ABCA5: variants seen among roughly 807,000 people sequenced by gnomAD.
The protein encoded by ABCA5 is ATP binding cassette subfamily A member 5.
ABCA5 carries 163 observed loss-of-function variants against 206.0 expected under a neutral mutation model. The observed-to-expected ratio is 0.79, with a 90% confidence interval of 0.70 to 0.90. The LOEUF is 0.90. ABCA5 is among the 40% of genes least tolerant of loss of function. The pLI, the probability that ABCA5 is intolerant of heterozygous loss-of-function variation, is 0.00. For missense variants in ABCA5, 1,859 were observed against 1,912.9 expected, an observed-to-expected ratio of 0.97 and a Z score of 0.53; for synonymous variants, 609 against 613.8, an observed-to-expected ratio of 0.99 and a Z score of 0.11.
At chr17:69,271,389 C>T in intron 20 of ABCA5, 100 bp from the exon 21 acceptor site, 2 of 1,293,324 alleles carry the variant, frequency 1.5e-6, no homozygotes, top group Non-Finnish European at 2.1e-6. Flanking sequence ...ATTTTATTTT[C>T]ATTAGCGAAT....
chr17:69,294,789 T>G, intron 10 of ABCA5, 76 bp from the exon 11 acceptor site: 1 of 870,976 alleles, frequency 1.1e-6, no homozygotes, highest in Non-Finnish European at 1.8e-6. Flanking sequence ...ATGCATATTT[T>G]TATCAATGCT....
At chr17:69,273,546 C>T (rs2075297005) in intron 20 of ABCA5, among the ~76,000 whole-genome samples, 1 of 151,866 alleles carries the variant, frequency 6.6e-6, no homozygotes, top group South Asian at 2.1e-4. Context: ...ACCTCCGCCT[C>T]CCGGGTTCAA....
intron 19 of ABCA5, among the ~76,000 whole-genome samples, chr17:69,276,862 G>T (rs779616497): frequency 1.4e-4 from 21 of 152,018 alleles, no homozygotes; most frequent in Non-Finnish European, 2.1e-4. Context: ...CAGTAATGCC[G>T]ACCAGGGAAT....
chr17:69,302,691 T>G (rs771970770), intron 8 of ABCA5, 27 bp downstream of exon 8: 4 of 1,395,264 alleles, frequency 2.9e-6, no homozygotes, highest in Non-Finnish European at 3.8e-6. Context: ...AAATATTTAG[T>G]GAATGCAAGA....
intron 38 of ABCA5, 38 bp downstream of exon 38, chr17:69,248,224 T>A: frequency 8.2e-7 from 1 of 1,224,580 alleles, no homozygotes; most frequent in East Asian, 2.6e-5. Context: ...GATACTTTCT[T>A]CTATAAAATA....
Position 69,253,791 on chromosome 17 carries a change from T to A in ABCA5, c.4320+3A>T. ...GGCATTATTTGGTGTTTAATGAAAG[T>A]ACCTTTCGTTTGATTCCTGCAGGTA... On this transcript the variant is annotated splice_donor_region_variant and intron_variant, in intron 33 of 38. Transcript: ENST00000392676. 6.2e-7 allele frequency: 1 copy of A among 1,610,494 alleles called. No individual in the cohort carries two copies.
At chr17:69,279,728 G>A (rs574951928) in intron 18 of ABCA5, among the ~76,000 whole-genome samples, 8,690 of 151,874 alleles carry the variant, frequency 0.057, 275 homozygotes, top group Non-Finnish European at 0.068. Context: ...AAATAATGCC[G>A]CATATCTACA....
chr17:69,250,618 A>G lies in ABCA5; in HGVS notation c.4539T>C (p.Cys1513=), dbSNP rs1344993574. Reference sequence around the variant, plus strand: ...TCTTTAGATGTTGTACTGTTCCGATACATCTGAAGTAATTTTTTAAAAGAA... The same window carrying G: ...TCTTTAGATGTTGTACTGTTCCGATGCATCTGAAGTAATTTTTTAAAAGAA... ...VAIMVSGQLR[C]IGTVQHLKSK... The change falls in exon 36 of 39, where the codon TGT becomes TGC. Residue 1513 remains cysteine (C), a synonymous_variant. Transcript: ENST00000392676. 1 of 1,542,680 alleles carries G rather than the reference A, an allele frequency of 6.5e-7. No individual in the cohort carries two copies. Among genetic ancestry groups the G allele is most frequent in the East Asian group, 2.4e-5 (1 of 42,306 alleles).
intron 38 of ABCA5, 85 bp downstream of exon 38, chr17:69,248,177 T>G: frequency 1.3e-6 from 1 of 757,552 alleles, no homozygotes; most frequent in Non-Finnish European, 2.2e-6. Flanking sequence ...TTACGATATC[T>G]CTCCCTCTCT....
intron 22 of ABCA5, chr17:69,268,968 A>G (rs1414250117): frequency 6.6e-6 from 1 of 152,220 alleles, no homozygotes; most frequent in Non-Finnish European, 1.5e-5. Context: ...ACCCACAAAT[A>G]TGTAGACTAG....
intron 9 of ABCA5, among the ~76,000 whole-genome samples, chr17:69,299,471 T>TACACACACACACACACACACACAC (rs71144671): frequency 4.9e-5 from 7 of 142,504 alleles, no homozygotes; most frequent in Non-Finnish European, 7.6e-5. Flanking sequence ...CACACACACA[T>TACACACACACACACACACACACAC]ACACACACAC....
chr17:69,298,356 A>AAGGAAGGAAGGAAGGAAGGAAGGAAGG (rs2075614640), intron 9 of ABCA5, among the ~76,000 whole-genome samples: 2 of 151,270 alleles, frequency 1.3e-5, no homozygotes, highest in Non-Finnish European at 3.0e-5. Context: ...GGAAAGAAGG[A>AAGGAAGGAAGGAAGGAAGGAAGGAAGG]AAGAAAGGGC....
chr17:69,312,999 G>T, intron 3 of ABCA5, 93 bp downstream of exon 3: 1 of 719,574 alleles, frequency 1.4e-6, no homozygotes, highest in Non-Finnish European at 2.1e-6. Flanking sequence ...ACATCTCTAA[G>T]TGTTAAGACT....
At chr17:69,266,433 G>A (rs940184149) in intron 23 of ABCA5, among the ~76,000 whole-genome samples, 7 of 151,900 alleles carry the variant, frequency 4.6e-5, no homozygotes, top group African/African-American at 1.7e-4. Context: ...AAACAAACAT[G>A]AATATACAAC....
chr17:69,312,945 A>T, intron 3 of ABCA5, 147 bp downstream of exon 3: 1 of 424,870 alleles, frequency 2.4e-6, no homozygotes, highest in Non-Finnish European at 4.1e-6. Flanking sequence ...CAACAGAATT[A>T]AATAATTTTA....
At chr17:69,299,488 A>ACACACACACACG (rs2075628786) in intron 9 of ABCA5, among the ~76,000 whole-genome samples, 2 of 151,730 alleles carry the variant, frequency 1.3e-5, no homozygotes, top group Admixed American at 6.6e-5. Context: ...ACACACACAC[A>ACACACACACACG]CACACACACA....
chr17:69,267,869 G>T, intron 23 of ABCA5, 74 bp downstream of exon 23: 1 of 721,942 alleles, frequency 1.4e-6, no homozygotes, highest in Non-Finnish European at 2.4e-6. Flanking sequence ...ACTAAGCCTT[G>T]CAATCAAGCA....
chr17:69,302,677 A>G (rs2075664370), intron 8 of ABCA5, 41 bp downstream of exon 8: 1 of 1,354,140 alleles, frequency 7.4e-7, no homozygotes. Context: ...ATAAAACAGA[A>G]AGAAAATATT....
In ABCA5 at chr17:69,267,934, A is replaced by T; in HGVS notation, c.3144+9T>A. ...TTAGCAAATTATATATTTTTAACTGAGTCATTACCTTATGATTCTCTGCAT... is the reference window on the plus strand; with the variant it reads ...TTAGCAAATTATATATTTTTAACTGTGTCATTACCTTATGATTCTCTGCAT... On this transcript the variant is annotated intron_variant, in intron 23 of 38. Transcript: ENST00000392676. 2 of 1,508,516 alleles carry T rather than the reference A, an allele frequency of 1.3e-6. No homozygotes were observed. The highest frequency in any genetic ancestry group is 1.8e-6 in the Non-Finnish European group (2 of 1,090,364). The allele number at this position is 1,508,516 out of a possible 1,614,324, so 93.4% of individuals were successfully genotyped here. A position where few individuals can be genotyped will look rare whatever the true frequency, so the allele number is the denominator to read the frequency against.
Sources: allele counts gnomAD v4.1 joint callset (sites outside exome capture counted in the v4.1 genomes callset), GRCh38; gene constraint gnomAD v4.1.1; transcripts MANE v1.5; gene names NCBI Gene and HGNC (gene_info 2026-07-23, HGNC 2026-07-21).